The following SHOC1 variants were observed in gnomAD, a reference collection of about 807,000 sequenced individuals.
SHOC1 encodes shortage in chiasmata 1, also known as protein shortage in chiasmata 1 ortholog.
Under a neutral mutation model 179.2 loss-of-function variants are expected in SHOC1, and 136 were observed. That is an observed-to-expected ratio of 0.76 (90% confidence interval 0.66 to 0.87). The LOEUF (loss-of-function observed/expected upper bound fraction) is 0.87. Among genes scored for constraint, SHOC1 ranks in the 40% least tolerant of loss-of-function variants. The probability of loss-of-function intolerance (pLI) is 0.00; values close to 1 mark genes in which losing one functional copy is unlikely to be tolerated. For synonymous variants in SHOC1, 489 were observed against 586.6 expected (o/e 0.83, Z 2.41); for missense variants, 1,538 against 1,700.8 (o/e 0.90, Z 1.68).
chr9:111,772,321 T>G lies in SHOC1; in HGVS notation c.442+3470A>C, dbSNP rs564987629. Among the ~76,000 whole-genome samples the G allele has an allele frequency of 6.8e-4, 104 of 152,308 alleles. 1 individual carries two copies. Among genetic ancestry groups the G allele is most frequent in the African/African-American group, 2.3e-3 (94 of 41,566 alleles). On this transcript the variant is annotated intron_variant, in intron 5 of 27. Coordinates refer to ENST00000682961, the MANE Select transcript of SHOC1 (RefSeq NM_001378211.1). ...CTCCAGCAATTTTCTGAATTGCTTT[T>G]CTGTATTATTTTAGAGATCACTGAA...
chr9:111,788,744 C>A (rs1836350223), intron 2 of SHOC1, among the ~76,000 whole-genome samples: 1 of 152,152 alleles, frequency 6.6e-6, no homozygotes, highest in Non-Finnish European at 1.5e-5. Flanking sequence ...TTACAACCAG[C>A]AAATTCATTT....
chr9:111,746,105 A>G (rs1834264618), intron 10 of SHOC1, 129 bp downstream of exon 10: 1 of 506,254 alleles, frequency 2.0e-6, no homozygotes, highest in Non-Finnish European at 3.5e-6. Context: ...GTTACTTATT[A>G]CAGACACTGT....
intron 4 of SHOC1, among the ~76,000 whole-genome samples, chr9:111,777,217 T>C (rs1835869264): frequency 6.6e-6 from 1 of 152,194 alleles, no homozygotes; most frequent in Non-Finnish European, 1.5e-5. Flanking sequence ...ACAATAGTGA[T>C]GTTATCCCGA....
At chr9:111,758,302 A>T in intron 6 of SHOC1, 107 bp from the exon 7 acceptor site, 1 of 669,568 alleles carries the variant, frequency 1.5e-6, no homozygotes, top group Non-Finnish European at 2.5e-6. Context: ...TAAAACGATG[A>T]TAAAAGTTAT....
At position 111,686,711 on chromosome 9, in the gene SHOC1, C is replaced by T; in HGVS notation, c.*59G>A. The T allele has an allele frequency of 9.5e-7, 1 of 1,050,514 alleles. No homozygotes were observed. Among genetic ancestry groups the T allele is most frequent in the Non-Finnish European group, 1.5e-6 (1 of 676,104 alleles). The allele number at this position is 1,050,514 out of a possible 1,614,324, so 65.1% of individuals were successfully genotyped here. On this transcript the variant is annotated 3_prime_UTR_variant, in exon 28 of 28. Coordinates refer to ENST00000682961, the MANE Select transcript of SHOC1 (RefSeq NM_001378211.1). ...GTATGAGCAAATCTAAATAATTGCG[C>T]TAGTGGATTAGCATCAAAAACAGTG...
At chr9:111,793,153 AT>A (rs1212746807) in intron 1 of SHOC1, among the ~76,000 whole-genome samples, 1 of 152,178 alleles carries the variant, frequency 6.6e-6, no homozygotes, top group Non-Finnish European at 1.5e-5. Context: ...GAGTGCTGGG[AT>A]TACAGGCGTG....
In SHOC1 at chr9:111,756,469, A is replaced by T; in HGVS notation, c.718T>A (p.Phe240Ile). The T allele has an allele frequency of 5.7e-6, 9 of 1,590,232 alleles. No individual in the cohort carries two copies. The highest frequency in any genetic ancestry group is 1.4e-5 in the African/African-American group (1 of 73,464). Residue 240 changes from phenylalanine (F) to isoleucine (I), a missense_variant, in exon 8 of 28, where the codon TTT (phenylalanine) becomes ATT (isoleucine). Phe to Ile is a conservative substitution (Grantham distance 21). Coordinates refer to ENST00000682961, the MANE Select transcript of SHOC1 (RefSeq NM_001378211.1). ...ATTAAGAATTCATACTCAATAAGAA[A>T]ACTTGACGGCTGAAAAAACATAGTT... Reference protein sequence around the residue: ...DTICLNEPSSFLIEYEFLIPP... With the variant: ...DTICLNEPSSILIEYEFLIPP...
chr9:111,697,129 G>A (rs1422108545), intron 24 of SHOC1, among the ~76,000 whole-genome samples: 1 of 151,432 alleles, frequency 6.6e-6, no homozygotes, highest in Non-Finnish European at 1.5e-5. Context: ...GTCAGCAGGA[G>A]AATGGGAGGA....
At chr9:111,714,699 G>C in intron 16 of SHOC1, 76 bp from the exon 17 acceptor site, 1 of 1,264,898 alleles carries the variant, frequency 7.9e-7, no homozygotes. Flanking sequence ...AAGGCTTAAA[G>C]AAAATAAGTC....
In SHOC1 at chr9:111,723,781, A is replaced by G. The variant is rs779940386; in HGVS notation, c.1954+11T>C. 1 of 1,609,770 alleles carries G rather than the reference A, an allele frequency of 6.2e-7. No individual in the cohort carries two copies. On this transcript the variant is annotated intron_variant, in intron 14 of 27. Coordinates refer to ENST00000682961, the MANE Select transcript of SHOC1 (RefSeq NM_001378211.1). ...CAAATCTGAAATGCATTTTAAAAGCATATAACATACCTGACGCTTGAATTT... is the reference window on the plus strand; with the variant it reads ...CAAATCTGAAATGCATTTTAAAAGCGTATAACATACCTGACGCTTGAATTT...
At position 111,742,663 on chromosome 9, in the gene SHOC1, A is replaced by T. The variant is rs534786564; in HGVS notation, c.1080-1093T>A. On this transcript the variant is annotated intron_variant, in intron 10 of 27. Coordinates refer to ENST00000682961, the MANE Select transcript of SHOC1 (RefSeq NM_001378211.1). ...CTGATTGTATTCTGTTTCTCTGTTCATATGGAACATATATGAGCATGCTAA... is the reference window on the plus strand; with the variant it reads ...CTGATTGTATTCTGTTTCTCTGTTCTTATGGAACATATATGAGCATGCTAA... Among the ~76,000 whole-genome samples the T allele has an allele frequency of 3.3e-5, 5 of 152,298 alleles. No individual in the cohort carries two copies. In the South Asian group the frequency reaches 1.0e-3, roughly 32 times the overall value.
At chr9:111,761,493 C>G (rs1419682787) in intron 5 of SHOC1, among the ~76,000 whole-genome samples, 1 of 151,602 alleles carries the variant, frequency 6.6e-6, no homozygotes, top group Non-Finnish European at 1.5e-5. Context: ...CAGAGCAAGA[C>G]TCCATCTTAG....
chr9:111,741,157 T>A (rs1834021668), intron 11 of SHOC1, among the ~76,000 whole-genome samples: 1 of 152,196 alleles, frequency 6.6e-6, no homozygotes. Context: ...TTTTATTTTT[T>A]TTTACAAACA....
intron 11 of SHOC1, 22 bp from the exon 12 acceptor site, chr9:111,738,544 A>T: frequency 6.6e-7 from 1 of 1,521,376 alleles, no homozygotes; most frequent in Non-Finnish European, 8.7e-7. Flanking sequence ...ATAAAAAACA[A>T]ATAGTTAGAA....
In SHOC1 at chr9:111,727,943, T is replaced by C; in HGVS notation, c.1524A>G (p.Glu508=). 1 of 1,613,406 alleles carries C rather than the reference T, an allele frequency of 6.2e-7. No individual in the cohort carries two copies. Among genetic ancestry groups the C allele is most frequent in the East Asian group, 2.2e-5 (1 of 44,770 alleles). The stretch of plus-strand genomic sequence containing the variant: ...CATCAGAAAAACATAGATCTGGTAC[T>C]TCTTTTGCCAGAGATGGACTCTTTT... ...LPQKSPSLAK[E]VPDLCFSDDY... is the part of the protein sequence containing the mutation. The change falls in exon 13 of 28, where the codon GAA becomes GAG. Residue 508 remains glutamate (E), a synonymous_variant. Coordinates refer to ENST00000682961, the MANE Select transcript of SHOC1 (RefSeq NM_001378211.1).
chr9:111,762,208 T>C (rs1029972948), intron 5 of SHOC1, among the ~76,000 whole-genome samples: 3 of 152,288 alleles, frequency 2.0e-5, no homozygotes, highest in South Asian at 4.1e-4. Flanking sequence ...GGTGGGAGGA[T>C]TGCTTGAGCC....
chr9:111,699,752 A>G (rs1378124123), intron 24 of SHOC1, among the ~76,000 whole-genome samples: 4 of 152,212 alleles, frequency 2.6e-5, no homozygotes, highest in African/African-American at 9.6e-5. Context: ...GAGAAGAAAC[A>G]TGATTTTAAA....
chr9:111,786,152 A>C, intron 2 of SHOC1, 117 bp from the exon 3 acceptor site: 2 of 726,020 alleles, frequency 2.8e-6, no homozygotes, highest in Non-Finnish European at 2.0e-6. Context: ...AAAGTAATAC[A>C]TGCTCCTTAT....
chr9:111,694,076 T>G lies in SHOC1; in HGVS notation c.3316-128A>C, dbSNP rs116477227. The stretch of plus-strand genomic sequence containing the variant: ...AGTAGTCTTTCGAAAGTGATCCATT[T>G]TATTCTACTCGTTGCAGCAGATTAA... On this transcript the variant is annotated intron_variant, in intron 25 of 27. Coordinates refer to ENST00000682961, the MANE Select transcript of SHOC1 (RefSeq NM_001378211.1). The G allele has an allele frequency of 7.3e-4, 785 of 1,079,554 alleles. 6 individuals carry two copies. The African/African-American group carries it at 0.011, about 15-fold the overall frequency. The allele number at this position is 1,079,554 out of a possible 1,614,324, so 66.9% of individuals were successfully genotyped here. A position where few individuals can be genotyped will look rare whatever the true frequency, so the allele number is the denominator to read the frequency against.
Sources: allele counts gnomAD v4.1 joint callset (sites outside exome capture counted in the v4.1 genomes callset), GRCh38; gene constraint gnomAD v4.1.1; transcripts MANE v1.5; gene names NCBI Gene and HGNC (gene_info 2026-07-23, HGNC 2026-07-21).